Variants in GPR137C observed in about 807,000 individuals in gnomAD.
GPR137C encodes the protein integral membrane protein GPR137C.
A neutral mutation model predicts 43.4 loss-of-function variants in GPR137C; 27 were observed. The observed-to-expected ratio is 0.62, with a 90% CI of 0.46 to 0.86. GPR137C has a LOEUF of 0.86. Among genes scored for constraint, GPR137C ranks in the 40% least tolerant of loss-of-function variants. The pLI is 0.00. For missense variants in GPR137C, 522 were observed against 534.6 expected, an observed-to-expected ratio of 0.98 and a Z score of 0.23; for synonymous variants, 285 against 226.9, an observed-to-expected ratio of 1.26 and a Z score of -2.30.
Position 52,553,455 on chromosome 14 carries a change from C to T in GPR137C, c.308C>T (p.Ala103Val), listed in dbSNP as rs1566597362. 1 of 1,608,920 alleles carries T rather than the reference C, an allele frequency of 6.2e-7. No individual in the cohort carries two copies. Among genetic ancestry groups the T allele is most frequent in the African/African-American group, 1.3e-5 (1 of 74,936 alleles). The part of the protein sequence containing the change: ...AALRTTLFSA[A>V]FSLSGSLPLL... ...CTCAGGACCACCCTCTTCTCCGCCG[C>T]CTTCTCGCTCAGCGGCTCCCTGCCC... is the stretch of plus-strand genomic sequence containing the variant. Residue 103 changes from alanine to valine, a missense_variant, in exon 1 of 7, where the codon GCC becomes GTC. This residue lies in a region of GPR137C where 437 missense variants were observed against 425.7 expected (regional missense o/e 1.03). Transcript: ENST00000321662.
At chr14:52,632,393 A>C in intron 4 of GPR137C, 84 bp downstream of exon 4, 1 of 942,522 alleles carries the variant, frequency 1.1e-6, no homozygotes, top group Non-Finnish European at 1.6e-6. Context: ...TGTTTGACTT[A>C]CAAACACATT....
chr14:52,577,742 C>A (rs1382908764), intron 1 of GPR137C, among the ~76,000 whole-genome samples: 1 of 149,220 alleles, frequency 6.7e-6, no homozygotes, highest in South Asian at 2.1e-4. Flanking sequence ...GCAGGCGGAT[C>A]GCTTGAACCC....
intron 1 of GPR137C, among the ~76,000 whole-genome samples, chr14:52,567,639 T>A (rs577878815): frequency 6.6e-6 from 1 of 150,692 alleles, no homozygotes; most frequent in South Asian, 2.1e-4. Flanking sequence ...CTGCTTACAT[T>A]CAGATTGTTC....
chr14:52,588,139 GT>G (rs958366493), intron 1 of GPR137C, among the ~76,000 whole-genome samples: 15 of 152,098 alleles, frequency 9.9e-5, no homozygotes, highest in African/African-American at 3.6e-4. Context: ...GTTGATTAAA[GT>G]TTTTTATTGT....
intron 3 of GPR137C, among the ~76,000 whole-genome samples, chr14:52,605,831 G>A (rs2038977929): frequency 6.6e-6 from 1 of 152,060 alleles, no homozygotes; most frequent in African/African-American, 2.4e-5. Flanking sequence ...TTCTGTTGCT[G>A]CGATATATCA....
chr14:52,613,340 T>C (rs972769833), intron 3 of GPR137C: 9 of 152,138 alleles, frequency 5.9e-5, no homozygotes, highest in Admixed American at 2.6e-4. Flanking sequence ...CAAGCATTTA[T>C]CCTTTGTGTT....
chr14:52,612,494 A>G (rs1346260706), intron 3 of GPR137C: 17 of 981,212 alleles, frequency 1.7e-5, no homozygotes, highest in Non-Finnish European at 2.1e-5. Flanking sequence ...TAGTAATTAC[A>G]TCTAGAACTG....
intron 1 of GPR137C, among the ~76,000 whole-genome samples, chr14:52,589,726 TG>T: frequency 6.6e-6 from 1 of 152,230 alleles, no homozygotes; most frequent in Admixed American, 6.5e-5. Flanking sequence ...CATACAACAG[TG>T]GTCCCATAAG....
At position 52,581,108 on chromosome 14, in the gene GPR137C, A is replaced by G. The variant is rs2038639572; in HGVS notation, c.445-17164A>G. ...CTACTCAGGAGGCTGAGGCAGGAGA[A>G]TTGCTTGAACCCGGGCGGCAGAGGT... On this transcript the variant is annotated intron_variant, in intron 1 of 6. Coordinates refer to ENST00000321662, the MANE Select transcript of GPR137C (RefSeq NM_001099652.2). Among the ~76,000 whole-genome samples the G allele has an allele frequency of 2.0e-5, 3 of 149,974 alleles. No individual in the cohort carries two copies. In the Admixed American group the frequency reaches 2.0e-4, roughly 10 times the overall value.
intron 3 of GPR137C, among the ~76,000 whole-genome samples, chr14:52,619,632 T>C (rs1329174069): frequency 6.6e-6 from 1 of 152,142 alleles, no homozygotes; most frequent in Non-Finnish European, 1.5e-5. Context: ...TAAGTAGTTT[T>C]CTCCCTGCTT....
intron 1 of GPR137C, among the ~76,000 whole-genome samples, chr14:52,580,760 A>T (rs2038631552): frequency 6.7e-6 from 1 of 148,664 alleles, no homozygotes; most frequent in East Asian, 1.9e-4. Context: ...CTGTAAATAT[A>T]TATATTTTTT....
chr14:52,559,497 AAC>A (rs1373230216), intron 1 of GPR137C, among the ~76,000 whole-genome samples: 6 of 152,276 alleles, frequency 3.9e-5, no homozygotes, highest in Non-Finnish European at 8.8e-5. Context: ...GACAAAATTC[AAC>A]CATAGATGAT....
At chr14:52,556,393 T>TC (rs1296082900) in intron 1 of GPR137C, among the ~76,000 whole-genome samples, 1 of 149,452 alleles carries the variant, frequency 6.7e-6, no homozygotes, top group African/African-American at 2.4e-5. Flanking sequence ...CCTTTTTTCT[T>TC]TTTTTTTTTT....
In GPR137C at chr14:52,555,121, CAACGCTG is replaced by C. The variant is rs1396488530; in HGVS notation, c.444+1533_444+1539del. Among the ~76,000 whole-genome samples, 8 of 152,242 alleles carry C rather than the reference CAACGCTG, an allele frequency of 5.3e-5. No homozygotes were observed. In the East Asian group the frequency reaches 1.4e-3, roughly 26 times the overall value. On this transcript the variant is annotated intron_variant, in intron 1 of 6. Coordinates refer to ENST00000321662, the MANE Select transcript of GPR137C (RefSeq NM_001099652.2). ...TTCAGATAGTGCGTTAGTGACTTCTCAACGCTGAAGCTTTTACTCCAGGTTCAGATGT... is the reference window on the plus strand; with the variant it reads ...TTCAGATAGTGCGTTAGTGACTTCTCAAGCTTTTACTCCAGGTTCAGATGT...
At chr14:52,578,029 AC>A (rs2038589857) in intron 1 of GPR137C, among the ~76,000 whole-genome samples, 1 of 152,158 alleles carries the variant, frequency 6.6e-6, no homozygotes, top group Non-Finnish European at 1.5e-5. Flanking sequence ...ATCAGAGACC[AC>A]TATGAACATC....
chr14:52,577,655 A>G (rs2038581630), intron 1 of GPR137C, among the ~76,000 whole-genome samples: 1 of 152,104 alleles, frequency 6.6e-6, no homozygotes, highest in African/African-American at 2.4e-5. Context: ...ATCTGATTTT[A>G]TCTTTAAAAT....
chr14:52,553,221 G>T lies in GPR137C; in HGVS notation c.74G>T (p.Gly25Val), dbSNP rs1249060677. 2 of 1,272,800 alleles carry T rather than the reference G, an allele frequency of 1.6e-6. No homozygotes were observed. Among genetic ancestry groups the T allele is most frequent in the Non-Finnish European group, 2.0e-6 (2 of 1,010,816 alleles). The allele number at this position is 1,272,800 out of a possible 1,614,324, so 78.8% of individuals were successfully genotyped here. Residue 25 changes from glycine (G) to valine (V), a missense_variant, in exon 1 of 7, where the codon GGG becomes GTG. Transcript: ENST00000321662. ...AAGREPSTPG[G>V]GSGGGGAVAA... ...GGCCGCGAGCCCTCCACGCCCGGCG[G>T]GGGCAGCGGAGGCGGAGGCGCCGTC...
At chr14:52,582,810 A>G (rs557167854) in intron 1 of GPR137C, among the ~76,000 whole-genome samples, 83 of 152,172 alleles carry the variant, frequency 5.5e-4, no homozygotes, top group Non-Finnish European at 9.6e-4. Flanking sequence ...TAAATAAATA[A>G]TTAAAAATAA....
Position 52,553,555 on chromosome 14 carries a change from C to T in GPR137C, c.408C>T (p.Phe136=), listed in dbSNP as rs1172180865. Residue 136 remains phenylalanine (F), a synonymous_variant, in exon 1 of 7, where the codon TTC becomes TTT. Coordinates refer to ENST00000321662, the MANE Select transcript of GPR137C (RefSeq NM_001099652.2). ...ACTGCTTCCCCTCCTGTCTCCAGTT[C>T]TCCACGCTCTGTCTCCTCAACCTCT... The part of the protein sequence containing the change: ...LLYCFPSCLQ[F]STLCLLNLYL... 4 of 1,606,572 alleles carry T rather than the reference C, an allele frequency of 2.5e-6. No individual in the cohort carries two copies.
Sources: allele counts gnomAD v4.1 joint callset (sites outside exome capture counted in the v4.1 genomes callset), GRCh38; gene constraint gnomAD v4.1.1; regional missense constraint gnomAD v4.1.1; transcripts MANE v1.5; gene names NCBI Gene and HGNC (gene_info 2026-07-23, HGNC 2026-07-21).